The following SHANK2 variants were observed in gnomAD, a reference collection of about 807,000 sequenced individuals.
SHANK2 encodes the protein SH3 and multiple ankyrin repeat domains 2, also known as SH3 and multiple ankyrin repeat domains protein 2.
In SHANK2, 43 loss-of-function variants were observed where a neutral mutation model predicts 133.7. That is an observed-to-expected ratio of 0.32 (90% CI 0.25 to 0.41). SHANK2 has a LOEUF of 0.41. Among genes scored for constraint, SHANK2 ranks in the 10% least tolerant of loss-of-function variants. SHANK2 has a pLI of 1.00. For missense variants in SHANK2, 1,994 were observed against 2,235.8 expected (o/e 0.89, Z 2.18); for synonymous variants, 1,017 against 952.8 (o/e 1.07, Z -1.24).
chr11:71,189,147 T>C (rs970968366), intron 2 of SHANK2, among the ~76,000 whole-genome samples: 1 of 152,354 alleles, frequency 6.6e-6, no homozygotes, highest in Non-Finnish European at 1.5e-5. Context: ...TCCCTCCCCT[T>C]GTTCCAGGTT....
chr11:70,670,020 G>A lies in SHANK2; in HGVS notation c.1854-8342C>T, dbSNP rs544608647. 5.3e-5 allele frequency among the ~76,000 whole-genome samples: 8 copies of A among 152,344 alleles called. No individual in the cohort carries two copies. In the East Asian group the frequency reaches 9.6e-4, roughly 18 times the overall value. On this transcript the variant is annotated intron_variant, in intron 15 of 25. Coordinates refer to ENST00000601538, the MANE Select transcript of SHANK2 (RefSeq NM_012309.5). ...GTCTGATCAGACCCAGGCGGGGACCGCTGGAATGCAGGGGGGTGGAGCAAG... is the reference window on the plus strand; with the variant it reads ...GTCTGATCAGACCCAGGCGGGGACCACTGGAATGCAGGGGGGTGGAGCAAG...
At chr11:71,151,498 G>A (rs1407692087) in intron 2 of SHANK2, among the ~76,000 whole-genome samples, 11 of 152,090 alleles carry the variant, frequency 7.2e-5, no homozygotes, top group East Asian at 1.9e-4. Context: ...CATTTCACCC[G>A]TTTTTATTCT....
At chr11:70,671,387 G>T (rs781891331) in intron 15 of SHANK2, among the ~76,000 whole-genome samples, 1 of 152,170 alleles carries the variant, frequency 6.6e-6, no homozygotes, top group Non-Finnish European at 1.5e-5. Context: ...CCTCAACCTC[G>T]TCGAGCGCCA....
intron 14 of SHANK2, among the ~76,000 whole-genome samples, chr11:70,703,985 G>A (rs530252935): frequency 2.6e-5 from 4 of 152,348 alleles, no homozygotes; most frequent in East Asian, 1.9e-4. Context: ...AGTGAGTGAC[G>A]GGCTCAGGGG....
chr11:71,170,581 A>G (rs1953294601), intron 2 of SHANK2, among the ~76,000 whole-genome samples: 1 of 152,188 alleles, frequency 6.6e-6, no homozygotes, highest in South Asian at 2.1e-4. Flanking sequence ...CTGGGTGTGT[A>G]CCTAACTTTC....
rs1948127945 is a variant in SHANK2, at chr11:70,804,905, A to C, written c.1663+2097T>G. 6.6e-6 allele frequency among the ~76,000 whole-genome samples: 1 copy of C among 151,958 alleles called. No homozygotes were observed. Among genetic ancestry groups the C allele is most frequent in the Non-Finnish European group, 1.5e-5 (1 of 67,972 alleles). On this transcript the variant is annotated intron_variant, in intron 13 of 25. Transcript: ENST00000601538. The surrounding 1 kb of genome is among the most constrained non-coding windows in gnomAD (Gnocchi z 4.1). Reference sequence around the variant, plus strand: ...TGAGCTCCTGCTCATCCATGCTGCTACTCAGGGTCCCCTCTAAGGGACTCT... The same window carrying C: ...TGAGCTCCTGCTCATCCATGCTGCTCCTCAGGGTCCCCTCTAAGGGACTCT...
At position 70,944,342 on chromosome 11, in the gene SHANK2, T is replaced by C. The variant is rs370308293; in HGVS notation, c.1108-47775A>G. 5.5e-3 allele frequency among the ~76,000 whole-genome samples: 833 copies of C among 152,340 alleles called. 6 individuals are homozygous for C. Among genetic ancestry groups the C allele is most frequent in the African/African-American group, 0.019 (794 of 41,578 alleles). The stretch of plus-strand genomic sequence containing the variant: ...CTCATCCCAGGCCCGGCCCGGCCTC[T>C]GCCCGGTGCCAGGGCCCTCCCCGGA... On this transcript the variant is annotated intron_variant, in intron 10 of 25. Transcript: ENST00000601538.
intron 5 of SHANK2, among the ~76,000 whole-genome samples, chr11:71,111,126 A>G (rs1951885974): frequency 6.6e-6 from 1 of 152,184 alleles, no homozygotes; most frequent in African/African-American, 2.4e-5. Flanking sequence ...TAAGTTACCC[A>G]AGGTATTTTG....
At chr11:70,947,191 G>A (rs1245354573) in intron 10 of SHANK2, among the ~76,000 whole-genome samples, 1 of 141,364 alleles carries the variant, frequency 7.1e-6, no homozygotes, top group African/African-American at 2.7e-5. Context: ...ACACACACTC[G>A]TGACGTTTCA....
At chr11:70,924,214 G>A (rs1167436266) in intron 10 of SHANK2, among the ~76,000 whole-genome samples, 1 of 152,112 alleles carries the variant, frequency 6.6e-6, no homozygotes, top group African/African-American at 2.4e-5. Context: ...CCTCCTGACG[G>A]TACAGATACT....
At chr11:70,489,488 C>T in intron 23 of SHANK2, 140 bp from the exon 24 acceptor site, 1 of 813,436 alleles carries the variant, frequency 1.2e-6, no homozygotes, top group Admixed American at 1.7e-5. Context: ...TGACTGCCTA[C>T]AGTTATCCAC....
intron 11 of SHANK2, among the ~76,000 whole-genome samples, chr11:70,836,567 G>A (rs1362241537): frequency 6.6e-6 from 1 of 152,174 alleles, no homozygotes; most frequent in African/African-American, 2.4e-5. Context: ...GGAGGGCCCT[G>A]CCTGCCTCCA....
intron 14 of SHANK2, among the ~76,000 whole-genome samples, chr11:70,781,584 T>TATATATATATATATATA (rs1565311807): frequency 3.4e-4 from 5 of 14,508 alleles, no homozygotes; most frequent in African/African-American, 4.9e-4. Flanking sequence ...ATATATATAT[T>TATATATATATATATATA]TACTTATTTA....
At chr11:70,681,608 C>G (rs1555018387) in intron 15 of SHANK2, among the ~76,000 whole-genome samples, 2 of 152,174 alleles carry the variant, frequency 1.3e-5, no homozygotes, top group Non-Finnish European at 2.9e-5. Context: ...TGTACCTCCA[C>G]AGGGGAGAGG....
chr11:70,633,704 T>C (rs974104615), intron 17 of SHANK2: 2 of 152,198 alleles, frequency 1.3e-5, no homozygotes, highest in Admixed American at 6.5e-5. Context: ...GAGAGGCCCC[T>C]GGGTGACCAG....
Position 70,487,215 on chromosome 11 carries a change from C to G in SHANK2, c.3078G>C (p.Thr1026=). The change falls in exon 25 of 26, where the codon ACG becomes ACC. Residue 1026 remains threonine (T), a synonymous_variant. Transcript: ENST00000601538. The surrounding 1 kb of genome is among the most constrained non-coding windows in gnomAD (Gnocchi z 5.8). The stretch of plus-strand genomic sequence containing the variant: ...TGATGGTCGGGATAGGGATGGAGCA[C>G]GTCTTCTCGGGGCTGTCCTCCACGT... The part of the protein sequence containing the change: ...QSNVEDSPEK[T]CSIPIPTIIV... 6.2e-7 allele frequency: 1 copy of G among 1,614,046 alleles called. No individual in the cohort carries two copies. Among genetic ancestry groups the G allele is most frequent in the Non-Finnish European group, 8.5e-7 (1 of 1,180,046 alleles).
At chr11:70,599,921 AAGAAAGAAAGAAAG>A (rs2060465427) in intron 17 of SHANK2, among the ~76,000 whole-genome samples, 1 of 61,222 alleles carries the variant, frequency 1.6e-5, no homozygotes, top group Non-Finnish European at 3.5e-5. Context: ...GAAAGAAAGA[AAGAAAGAAAGAAAG>A]AAAGAAAGAA....
intron 2 of SHANK2, among the ~76,000 whole-genome samples, chr11:71,200,514 GTTTAACTTCACTCTACA>G (rs1565510552): frequency 6.6e-6 from 1 of 151,912 alleles, no homozygotes; most frequent in African/African-American, 2.4e-5. Context: ...CTAACTCCAC[GTTTAACTTCACTCTACA>G]TTTGACTTCA....
chr11:70,819,243 C>T (rs1255475160), intron 12 of SHANK2, among the ~76,000 whole-genome samples: 1 of 152,250 alleles, frequency 6.6e-6, no homozygotes, highest in East Asian at 1.9e-4. Flanking sequence ...GGGGCCTGTG[C>T]CGAGTCCTGC....
Sources: gnomAD v4.1 joint callset for allele counts (sites outside exome capture counted in the v4.1 genomes callset) on GRCh38, gnomAD v4.1.1 for gene constraint, Gnocchi (gnomAD v3.1) non-coding constraint, MANE v1.5 for transcripts, NCBI Gene and HGNC (gene_info 2026-07-23, HGNC 2026-07-21) for gene names.